The following NIBAN1 variants were observed in gnomAD, a reference collection of about 807,000 sequenced individuals.
The protein encoded by NIBAN1 is niban apoptosis regulator 1.
Under a neutral mutation model 75.1 loss-of-function variants are expected in NIBAN1, and 81 were observed. That is an observed-to-expected ratio of 1.08 (90% CI 0.90 to 1.30). NIBAN1 has a LOEUF of 1.30. NIBAN1 is among the 50% of genes most tolerant of loss of function. The pLI, the probability that NIBAN1 is intolerant of heterozygous loss-of-function variation, is 0.00. For synonymous variants in NIBAN1, 436 were observed against 424.8 expected (o/e 1.03, Z -0.32); for missense variants, 1,133 against 1,128.1 (o/e 1.00, Z -0.06).
intron 1 of NIBAN1, among the ~76,000 whole-genome samples, chr1:184,969,414 C>T (rs1021745982): frequency 2.6e-5 from 4 of 152,144 alleles, no homozygotes; most frequent in African/African-American, 9.7e-5. Flanking sequence ...ACAGCAGTTG[C>T]AGGCATCACA....
At chr1:184,965,411 T>C (rs1188687964) in intron 1 of NIBAN1, among the ~76,000 whole-genome samples, 3 of 152,200 alleles carry the variant, frequency 2.0e-5, no homozygotes, top group African/African-American at 7.2e-5. Context: ...ATTTTCTTTA[T>C]TGATGGGCAT....
chr1:184,916,125 G>T (rs1657377634), intron 1 of NIBAN1, among the ~76,000 whole-genome samples: 1 of 152,196 alleles, frequency 6.6e-6, no homozygotes, highest in African/African-American at 2.4e-5. Flanking sequence ...AGCATTATAA[G>T]AAAGAATATT....
chr1:184,880,546 G>A (rs186875205), intron 5 of NIBAN1, among the ~76,000 whole-genome samples: 1 of 152,052 alleles, frequency 6.6e-6, no homozygotes, highest in African/African-American at 2.4e-5. Flanking sequence ...TCCTTTAATG[G>A]TCCATACTCT....
chr1:184,840,038 A>C (rs920479673), intron 5 of NIBAN1, among the ~76,000 whole-genome samples: 3 of 152,236 alleles, frequency 2.0e-5, no homozygotes, highest in Non-Finnish European at 2.9e-5. Context: ...TGAGGGCCAC[A>C]TAGGGTGTGA....
intron 1 of NIBAN1, among the ~76,000 whole-genome samples, chr1:184,962,877 T>C (rs958907056): frequency 6.6e-6 from 1 of 152,144 alleles, no homozygotes; most frequent in Non-Finnish European, 1.5e-5. Context: ...GAAAAAATAA[T>C]GTTTTTTTCC....
intron 5 of NIBAN1, among the ~76,000 whole-genome samples, chr1:184,879,689 T>C (rs943446974): frequency 6.6e-6 from 1 of 152,246 alleles, no homozygotes; most frequent in Non-Finnish European, 1.5e-5. Context: ...ACAACATTTA[T>C]TGAACACCTA....
intron 5 of NIBAN1, among the ~76,000 whole-genome samples, chr1:184,876,593 C>G (rs1414452759): frequency 1.3e-5 from 2 of 151,676 alleles, no homozygotes; most frequent in Non-Finnish European, 2.9e-5. Context: ...CCCAGCTACT[C>G]TAGAGGCTGA....
intron 9 of NIBAN1, among the ~76,000 whole-genome samples, chr1:184,808,872 G>C (rs530004525): frequency 3.7e-4 from 57 of 152,278 alleles, no homozygotes; most frequent in African/African-American, 1.3e-3. Context: ...TGAGGCCATT[G>C]GGCTTCCAGC....
chr1:184,801,496 C>A (rs1451750033), intron 12 of NIBAN1, among the ~76,000 whole-genome samples: 5 of 152,306 alleles, frequency 3.3e-5, no homozygotes, highest in African/African-American at 1.2e-4. Context: ...TTCATGCCTG[C>A]AACACCCTTT....
chr1:184,836,206 C>T (rs1655138902), intron 5 of NIBAN1, among the ~76,000 whole-genome samples: 1 of 152,112 alleles, frequency 6.6e-6, no homozygotes, highest in South Asian at 2.1e-4. Flanking sequence ...AGGGACTTTA[C>T]CAACTGAGAT....
At chr1:184,970,947 G>T (rs373923375) in intron 1 of NIBAN1, among the ~76,000 whole-genome samples, 61 of 151,478 alleles carry the variant, frequency 4.0e-4, no homozygotes, top group East Asian at 1.6e-3. Flanking sequence ...TTGTTTTGGG[G>T]TTTTTTTTTA....
At chr1:184,912,843 G>A (rs558694873) in intron 1 of NIBAN1, among the ~76,000 whole-genome samples, 1 of 152,112 alleles carries the variant, frequency 6.6e-6, no homozygotes, top group Non-Finnish European at 1.5e-5. Context: ...ACTATGGAAA[G>A]GTGCCCCTTC....
intron 1 of NIBAN1, among the ~76,000 whole-genome samples, chr1:184,911,844 A>G (rs1657248758): frequency 6.6e-6 from 1 of 152,192 alleles, no homozygotes; most frequent in Non-Finnish European, 1.5e-5. Context: ...GTTCAGACAG[A>G]ATAATAAAGT....
intron 5 of NIBAN1, among the ~76,000 whole-genome samples, chr1:184,877,846 T>C (rs1656271248): frequency 1.3e-5 from 2 of 152,174 alleles, no homozygotes; most frequent in African/African-American, 4.8e-5. Context: ...CAGTTGATTA[T>C]AGTAATATCA....
Position 184,906,222 on chromosome 1 carries a change from C to T in NIBAN1, c.56-6913G>A, listed in dbSNP as rs151306795. Among the ~76,000 whole-genome samples, 240 of 152,122 alleles carry T rather than the reference C, an allele frequency of 1.6e-3. 1 individual carries two copies. Among genetic ancestry groups the T allele is most frequent in the African/African-American group, 5.6e-3 (233 of 41,486 alleles). On this transcript the variant is annotated intron_variant, in intron 1 of 13. Coordinates refer to ENST00000367511, the MANE Select transcript of NIBAN1 (RefSeq NM_052966.4). The stretch of plus-strand genomic sequence containing the variant: ...GCAGTGAGCTGTGATCACACCACTG[C>T]ACTCCATCCTGGCTGACAGAGCAAG...
chr1:184,794,451 T>C lies in NIBAN1; in HGVS notation c.*526A>G. The C allele has an allele frequency of 5.7e-6, 1 of 176,828 alleles. No homozygotes were observed. 11.0% of individuals were successfully genotyped at this position (176,828 alleles called of 1,614,324 possible). Reference sequence around the variant, plus strand: ...TGGGCATGATTGCCTCTGTGGGGGCTACAGCCAGCACGGGTGACTGTTCAT... The same window carrying C: ...TGGGCATGATTGCCTCTGTGGGGGCCACAGCCAGCACGGGTGACTGTTCAT... On this transcript the variant is annotated 3_prime_UTR_variant, in exon 14 of 14. Transcript: ENST00000367511.
At chr1:184,888,790 A>T (rs1656596069) in intron 4 of NIBAN1, among the ~76,000 whole-genome samples, 1 of 152,224 alleles carries the variant, frequency 6.6e-6, no homozygotes, top group South Asian at 2.1e-4. Context: ...ACATGTTGGT[A>T]TTCCCATTTC....
At chr1:184,902,643 G>A (rs538906978) in intron 1 of NIBAN1, among the ~76,000 whole-genome samples, 1 of 152,300 alleles carries the variant, frequency 6.6e-6, no homozygotes, top group Non-Finnish European at 1.5e-5. Flanking sequence ...CAGAAGAGCT[G>A]CCCCACCCAT....
chr1:184,800,930 T>C (rs1165777956), intron 12 of NIBAN1, among the ~76,000 whole-genome samples: 2 of 152,232 alleles, frequency 1.3e-5, no homozygotes, highest in Non-Finnish European at 2.9e-5. Flanking sequence ...CTGACATTCA[T>C]TGATTCCTTC....
Sources: allele counts gnomAD v4.1 joint callset (sites outside exome capture counted in the v4.1 genomes callset), GRCh38; gene constraint gnomAD v4.1.1; transcripts MANE v1.5; gene names NCBI Gene and HGNC (gene_info 2026-07-23, HGNC 2026-07-21).